The following ITGA9 variants were observed in gnomAD, a reference collection of about 807,000 sequenced individuals.
ITGA9 encodes the protein integrin alpha-9.
In ITGA9, 56 loss-of-function variants were observed where a neutral mutation model predicts 127.8. The ratio of observed to expected loss-of-function variants is 0.44; its 90% CI spans 0.35 to 0.55. The LOEUF (loss-of-function observed/expected upper bound fraction) is 0.55, where lower values mean the gene tolerates loss of function less well. Ranked by LOEUF, ITGA9 falls within the 20% of genes least tolerant of loss-of-function variation. The probability of loss-of-function intolerance (pLI) is 0.00; values close to 1 mark genes in which losing one functional copy is unlikely to be tolerated. For missense variants in ITGA9, 1,196 were observed against 1,347.1 expected (o/e 0.89, Z 1.76); for synonymous variants, 508 against 514.5 (o/e 0.99, Z 0.17).
chr3:37,606,415 A>G (rs1699969387), intron 15 of ITGA9, among the ~76,000 whole-genome samples: 1 of 152,162 alleles, frequency 6.6e-6, no homozygotes, highest in Admixed American at 6.5e-5. Context: ...ATCAGGGTAG[A>G]AGAACTGATT....
intron 23 of ITGA9, among the ~76,000 whole-genome samples, chr3:37,763,034 T>G (rs1696740547): frequency 6.6e-6 from 1 of 152,242 alleles, no homozygotes; most frequent in South Asian, 2.1e-4. Flanking sequence ...TGGGGATATT[T>G]TTATACACAT....
intron 1 of ITGA9, among the ~76,000 whole-genome samples, chr3:37,462,112 A>C (rs1698321805): frequency 1.3e-5 from 2 of 152,208 alleles, no homozygotes. Context: ...TGCTGCTTTC[A>C]GATGTGGAAG....
At chr3:37,516,910 A>C (rs1698989044) in intron 9 of ITGA9, among the ~76,000 whole-genome samples, 1 of 151,848 alleles carries the variant, frequency 6.6e-6, no homozygotes, top group Non-Finnish European at 1.5e-5. Context: ...GTTGGTTAGT[A>C]TTTTCTCAGG....
rs1249259441 is a variant in ITGA9, at chr3:37,779,922, T to C, written c.2688T>C (p.Ile896=). Residue 896 remains isoleucine (I), a synonymous_variant, in exon 25 of 28, where the codon ATT becomes ATC. Transcript: ENST00000264741. ...CTCAGGACTGTGAAAAACCAGGAATTTCTTGCCTAACAGCACACTGTAACT... is the reference window on the plus strand; with the variant it reads ...CTCAGGACTGTGAAAAACCAGGAATCTCTTGCCTAACAGCACACTGTAACT... ...RKVLDCEKPG[I]SCLTAHCNFS... is the part of the protein sequence containing the mutation. 6.2e-7 allele frequency: 1 copy of C among 1,614,008 alleles called. No homozygotes were observed. Among genetic ancestry groups the C allele is most frequent in the East Asian group, 2.2e-5 (1 of 44,894 alleles).
rs188541379 is a variant in ITGA9 at position 37,713,858 on chromosome 3, C to T, written c.2068-18854C>T. On this transcript the variant is annotated intron_variant, in intron 18 of 27. Transcript: ENST00000264741. ...GATGACCCTCCAGGTGGCTGAGATT[C>T]CCTCCAATCTTTTTATTTCTGGTTG... Among the ~76,000 whole-genome samples the T allele has an allele frequency of 2.2e-3, 335 of 152,306 alleles. 1 individual carries two copies. Among genetic ancestry groups the T allele is most frequent in the African/African-American group, 7.7e-3 (319 of 41,558 alleles).
chr3:37,452,491 C>G lies in ITGA9; in HGVS notation c.117C>G (p.His39Gln). Residue 39 changes from histidine to glutamine, a missense_variant, in exon 1 of 28, where the codon CAC (histidine) becomes CAG (glutamine). By Grantham distance (24) the His-to-Gln change is conservative (BLOSUM62 0). Transcript: ENST00000264741. The surrounding 1 kb of genome is among the most constrained non-coding windows in gnomAD (Gnocchi z 7.3). ...ACCTCGACCCGCAGCGCCCCGTGCACTTCCAGGGCCCCGCTGACTCGTTCT... is the reference window on the plus strand; with the variant it reads ...ACCTCGACCCGCAGCGCCCCGTGCAGTTCCAGGGCCCCGCTGACTCGTTCT... ...AYNLDPQRPVHFQGPADSFFG... is the reference protein window; with the variant it reads ...AYNLDPQRPVQFQGPADSFFG... 6.6e-7 allele frequency: 1 copy of G among 1,520,068 alleles called. No homozygotes were observed. 94.2% of individuals were successfully genotyped at this position (1,520,068 alleles called of 1,614,324 possible).
chr3:37,500,835 A>G (rs1281895920), intron 5 of ITGA9, among the ~76,000 whole-genome samples: 6 of 152,278 alleles, frequency 3.9e-5, no homozygotes, highest in Middle Eastern at 6.8e-3. Context: ...CTGAAGGCTC[A>G]GGGGAAGGTC....
chr3:37,623,285 T>C (rs572568799), intron 15 of ITGA9, among the ~76,000 whole-genome samples: 10 of 152,350 alleles, frequency 6.6e-5, no homozygotes, highest in Admixed American at 6.5e-4. Context: ...TCAATATACT[T>C]ATTTCTGTTT....
At chr3:37,811,510 C>T (rs766366533) in intron 27 of ITGA9, among the ~76,000 whole-genome samples, 15 of 152,104 alleles carry the variant, frequency 9.9e-5, no homozygotes, top group African/African-American at 3.4e-4. Flanking sequence ...AAGACACCCC[C>T]CTTCCCTTAT....
intron 27 of ITGA9, chr3:37,818,245 T>A (rs1158509897): frequency 9.2e-6 from 1 of 108,758 alleles, no homozygotes; most frequent in African/African-American, 3.5e-5. Context: ...TATTTGACCA[T>A]GAAACCTTTT....
At position 37,533,571 on chromosome 3, in the gene ITGA9, C is replaced by G. The variant is rs549204768; in HGVS notation, c.1528+103C>G. The G allele has an allele frequency of 2.5e-5, 28 of 1,141,634 alleles. No homozygotes were observed. The South Asian group carries it at 3.7e-4, about 15-fold the overall frequency. The allele number at this position is 1,141,634 out of a possible 1,614,324, so 70.7% of individuals were successfully genotyped here. A position where few individuals can be genotyped will look rare whatever the true frequency, so the allele number is the denominator to read the frequency against. On this transcript the variant is annotated intron_variant, in intron 14 of 27. Coordinates refer to ENST00000264741, the MANE Select transcript of ITGA9 (RefSeq NM_002207.3). ...TCGCTGTTCCTCCCAGCTGGTTTTG[C>G]AGGCAGCAGGCACACAGGCTGGACA...
intron 3 of ITGA9, among the ~76,000 whole-genome samples, chr3:37,479,585 G>A (rs1445855981): frequency 6.6e-6 from 1 of 152,206 alleles, no homozygotes; most frequent in Non-Finnish European, 1.5e-5. Context: ...CTCACTCGGT[G>A]ACGTGGGGCA....
At chr3:37,512,558 T>G (rs1336718255) in intron 8 of ITGA9, among the ~76,000 whole-genome samples, 1 of 152,110 alleles carries the variant, frequency 6.6e-6, no homozygotes, top group Non-Finnish European at 1.5e-5. Flanking sequence ...ACTGACAGCC[T>G]TTGGAAAGAA....
intron 18 of ITGA9, among the ~76,000 whole-genome samples, chr3:37,690,777 G>A (rs1559568776): frequency 6.6e-6 from 1 of 152,156 alleles, no homozygotes; most frequent in East Asian, 1.9e-4. Context: ...CCCAGATGGC[G>A]AGGAATTCAG....
chr3:37,630,270 C>G (rs1172284894), intron 16 of ITGA9, among the ~76,000 whole-genome samples: 4 of 152,104 alleles, frequency 2.6e-5, no homozygotes, highest in Admixed American at 2.0e-4. Context: ...AGATTTTTAC[C>G]AAGGCATCGC....
At position 37,513,869 on chromosome 3, in the gene ITGA9, G is replaced by A; in HGVS notation, c.1004G>A (p.Gly335Glu). The A allele has an allele frequency of 6.2e-7, 1 of 1,613,706 alleles. No homozygotes were observed. Among genetic ancestry groups the A allele is most frequent in the Non-Finnish European group, 8.5e-7 (1 of 1,180,036 alleles). ...APMFSEIRDE[G>E]QVTVYINRGN... is the part of the protein sequence containing the mutation. ...ATGTTTTCTGAGATCAGGGATGAGGGACAGGTCACTGTCTACATCAACAGA... is the reference window on the plus strand; with the variant it reads ...ATGTTTTCTGAGATCAGGGATGAGGAACAGGTCACTGTCTACATCAACAGA... The change falls in exon 9 of 28, where the codon GGA becomes GAA. Residue 335 changes from glycine to glutamate, a missense_variant. Gly to Glu is a moderately conservative substitution (Grantham distance 98). Coordinates refer to ENST00000264741, the MANE Select transcript of ITGA9 (RefSeq NM_002207.3).
At chr3:37,693,708 A>T (rs1700855436) in intron 18 of ITGA9, among the ~76,000 whole-genome samples, 1 of 152,212 alleles carries the variant, frequency 6.6e-6, no homozygotes, top group African/African-American at 2.4e-5. Flanking sequence ...GCATCTGGGC[A>T]GGAGAACAAA....
At chr3:37,776,864 T>A (rs901175705) in intron 23 of ITGA9, among the ~76,000 whole-genome samples, 1 of 152,186 alleles carries the variant, frequency 6.6e-6, no homozygotes, top group Non-Finnish European at 1.5e-5. Flanking sequence ...TGCTTGCTGC[T>A]CATTCCCTTT....
At chr3:37,619,787 C>G (rs1286953534) in intron 15 of ITGA9, among the ~76,000 whole-genome samples, 2 of 152,176 alleles carry the variant, frequency 1.3e-5, no homozygotes, top group African/African-American at 2.4e-5. Flanking sequence ...TGCTGGAATT[C>G]ACTCCTGCAG....
Sources: gnomAD v4.1 joint callset for allele counts (sites outside exome capture counted in the v4.1 genomes callset) on GRCh38, gnomAD v4.1.1 for gene constraint, Gnocchi (gnomAD v3.1) non-coding constraint, MANE v1.5 for transcripts, NCBI Gene and HGNC (gene_info 2026-07-23, HGNC 2026-07-21) for gene names.